Variants in GOLGA3 observed in about 807,000 individuals in gnomAD.
The protein encoded by GOLGA3 is golgin subfamily A member 3.
Under a neutral mutation model 169.4 loss-of-function variants are expected in GOLGA3, and 75 were observed. That is an observed-to-expected ratio of 0.44 (90% CI 0.37 to 0.54). GOLGA3 has a LOEUF of 0.54. Ranked by LOEUF, GOLGA3 falls within the 20% of genes least tolerant of loss-of-function variation. The probability of loss-of-function intolerance (pLI) is 0.00; values close to 1 mark genes in which losing one functional copy is unlikely to be tolerated. For synonymous variants in GOLGA3, 824 were observed against 822.4 expected, an observed-to-expected ratio of 1.00 and a Z score of -0.03; for missense variants, 1,899 against 1,930.0, an observed-to-expected ratio of 0.98 and a Z score of 0.30.
intron 1 of GOLGA3, 146 bp from the exon 2 acceptor site, chr12:132,822,457 C>A: frequency 1.9e-6 from 1 of 535,060 alleles, no homozygotes. Flanking sequence ...GGAGCACCCA[C>A]AACATCCTAG....
In GOLGA3 at chr12:132,807,914, A is replaced by C. The variant is rs747449772; in HGVS notation, c.1155T>G (p.Ser385Arg). The C allele has an allele frequency of 1.3e-6, 2 of 1,528,204 alleles. No individual in the cohort carries two copies. The highest frequency in any genetic ancestry group is 1.8e-6 in the Non-Finnish European group (2 of 1,130,886). 94.7% of individuals were successfully genotyped at this position (1,528,204 alleles called of 1,614,324 possible). Residue 385 changes from serine (S) to arginine (R), a missense_variant, in exon 5 of 24, where the codon AGT (serine) becomes AGG (arginine). Transcript: ENST00000450791. ...ACCTGCTGCAGATGCTGTCTCTCCG[A>C]CTCCGCACCTCCCCGTTGACCTCCT... The part of the protein sequence containing the change: ...QGQEVNGEVR[S>R]RRDSICSSVS...
intron 8 of GOLGA3, among the ~76,000 whole-genome samples, chr12:132,801,345 G>A (rs550942087): frequency 2.6e-5 from 4 of 152,302 alleles, no homozygotes; most frequent in East Asian, 1.9e-4. Context: ...GGCACCGCAC[G>A]CCTGTGAGAC....
chr12:132,796,708 C>G lies in GOLGA3; in HGVS notation c.1939-8G>C. ...CTGATCCAACATGTCAGCCTGAGCCCAGGAAACTTGTTTTTAAAAAGGCAG... is the reference window on the plus strand; with the variant it reads ...CTGATCCAACATGTCAGCCTGAGCCGAGGAAACTTGTTTTTAAAAAGGCAG... On this transcript the variant is annotated splice_region_variant and splice_polypyrimidine_tract_variant and intron_variant, in intron 9 of 23. Coordinates refer to ENST00000450791, the MANE Select transcript of GOLGA3 (RefSeq NM_001389683.1). 1 of 1,612,740 alleles carries G rather than the reference C, an allele frequency of 6.2e-7. No homozygotes were observed.
rs144851208 is a variant in GOLGA3 at position 132,815,245 on chromosome 12, A to G, written c.406+1295T>C. Among the ~76,000 whole-genome samples the G allele has an allele frequency of 4.8e-3, 737 of 152,338 alleles. 3 individuals carry two copies. Among genetic ancestry groups the G allele is most frequent in the African/African-American group, 0.017 (694 of 41,584 alleles). On this transcript the variant is annotated intron_variant, in intron 3 of 23. Transcript: ENST00000450791. ...CTATGGCCACCAGGCAGATATTTAT[A>G]TAAGTCGGCAAAATAAGCAGGGTTT...
intron 22 of GOLGA3, chr12:132,774,589 C>CACAG (rs1313365346): frequency 3.7e-6 from 2 of 544,242 alleles, no homozygotes; most frequent in Middle Eastern, 4.8e-4. Context: ...GGGGCCGAGC[C>CACAG]ACAGACTACA....
In GOLGA3 at chr12:132,813,323, T is replaced by A. The variant is rs758798185; in HGVS notation, c.503A>T (p.Lys168Met). 2 of 1,611,540 alleles carry A rather than the reference T, an allele frequency of 1.2e-6. No individual in the cohort carries two copies. The highest frequency in any genetic ancestry group is 1.7e-6 in the Non-Finnish European group (2 of 1,177,968). The change falls in exon 4 of 24, where the codon AAG becomes ATG. Residue 168 changes from lysine (K) to methionine (M), a missense_variant. Coordinates refer to ENST00000450791, the MANE Select transcript of GOLGA3 (RefSeq NM_001389683.1). Reference sequence around the variant, plus strand: ...GAGACTCACCCTCTCCTGCTGGCGCTTCACCCTGTACTGTTTGAGCTGCTC... The same window carrying A: ...GAGACTCACCCTCTCCTGCTGGCGCATCACCCTGTACTGTTTGAGCTGCTC... ...LEEQLKQYRV[K>M]RQQERSSQPA...
chr12:132,820,456 C>T (rs922364015), intron 2 of GOLGA3, among the ~76,000 whole-genome samples: 1 of 152,196 alleles, frequency 6.6e-6, no homozygotes, highest in Non-Finnish European at 1.5e-5. Flanking sequence ...GTTCCACGGC[C>T]GCGGGTCTCA....
intron 1 of GOLGA3, chr12:132,828,405 A>C (rs570818160): frequency 5.9e-5 from 9 of 152,396 alleles, no homozygotes; most frequent in Admixed American, 1.3e-4. Context: ...CAAACAAGGA[A>C]GTACACGGAC....
chr12:132,814,133 T>C (rs534940038), intron 3 of GOLGA3, among the ~76,000 whole-genome samples: 5 of 150,510 alleles, frequency 3.3e-5, no homozygotes, highest in Non-Finnish European at 5.9e-5. Context: ...CAAGCGATTC[T>C]CCTGCCACAG....
At chr12:132,780,762 T>C (rs1253583086) in intron 18 of GOLGA3, 36 bp downstream of exon 18, 18 of 1,344,326 alleles carry the variant, frequency 1.3e-5, no homozygotes, top group Non-Finnish European at 1.7e-5. Context: ...TGGAGCGTCC[T>C]CTGGAACGCC....
intron 7 of GOLGA3, 83 bp from the exon 8 acceptor site, chr12:132,802,052 G>T (rs933177792): frequency 1.9e-6 from 2 of 1,028,220 alleles, no homozygotes; most frequent in Non-Finnish European, 1.4e-6. Flanking sequence ...GACACAAGGC[G>T]GGACTCTCAG....
intron 1 of GOLGA3, chr12:132,826,077 T>C: frequency 7.0e-7 from 1 of 1,434,728 alleles, no homozygotes; most frequent in Non-Finnish European, 9.8e-7. Flanking sequence ...GGTGACATCG[T>C]CACAGTGGGC....
Position 132,816,356 on chromosome 12 carries a change from T to C in GOLGA3, c.406+184A>G, listed in dbSNP as rs534591436. ...ACCACAGCAGAACCTTGACTCCACC[T>C]GCATCTTCACTCTCTAACTTGAAGC... On this transcript the variant is annotated intron_variant, in intron 3 of 23. Coordinates refer to ENST00000450791, the MANE Select transcript of GOLGA3 (RefSeq NM_001389683.1). Among the ~76,000 whole-genome samples the C allele has an allele frequency of 3.3e-5, 5 of 152,318 alleles. No homozygotes were observed. The East Asian group carries it at 9.7e-4, about 29-fold the overall frequency.
intron 7 of GOLGA3, 95 bp from the exon 8 acceptor site, chr12:132,802,064 G>GGA: frequency 1.1e-6 from 1 of 936,782 alleles, no homozygotes; most frequent in Non-Finnish European, 1.6e-6. Flanking sequence ...GACTCTCAGG[G>GGA]GAGACCAAGA....
At chr12:132,803,407 A>G (rs907318395) in intron 7 of GOLGA3, among the ~76,000 whole-genome samples, 1 of 152,208 alleles carries the variant, frequency 6.6e-6, no homozygotes, top group Admixed American at 6.5e-5. Flanking sequence ...TCTACCAGCC[A>G]TCAACAAACA....
At chr12:132,823,799 A>G (rs1236257925) in intron 1 of GOLGA3, among the ~76,000 whole-genome samples, 2 of 148,176 alleles carry the variant, frequency 1.3e-5, no homozygotes, top group African/African-American at 5.0e-5. Flanking sequence ...AAAAAAAAAA[A>G]GGGCTGCGTG....
intron 1 of GOLGA3, among the ~76,000 whole-genome samples, chr12:132,823,207 A>T (rs1950286496): frequency 6.6e-6 from 1 of 152,240 alleles, no homozygotes; most frequent in Admixed American, 6.5e-5. Flanking sequence ...TAGCTCTCTC[A>T]GCCTGCCCTG....
chr12:132,788,021 C>T lies in GOLGA3; in HGVS notation c.2811+1006G>A, dbSNP rs549838771. 3.4e-3 allele frequency among the ~76,000 whole-genome samples: 510 copies of T among 152,222 alleles called. 4 individuals carry two copies. Among genetic ancestry groups the T allele is most frequent in the African/African-American group, 0.012 (486 of 41,556 alleles). ...CTTTCCCCAGCTCCTGTGTGCGAGG[C>T]GAGTCCCCACAACCAGCCCAGGCCT... On this transcript the variant is annotated intron_variant, in intron 13 of 23. Coordinates refer to ENST00000450791, the MANE Select transcript of GOLGA3 (RefSeq NM_001389683.1).
intron 18 of GOLGA3, among the ~76,000 whole-genome samples, chr12:132,780,535 G>T (rs1447745125): frequency 1.3e-5 from 2 of 152,238 alleles, no homozygotes; most frequent in African/African-American, 4.8e-5. Context: ...ACGACATACA[G>T]GACACCACTC....
Sources: allele counts gnomAD v4.1 joint callset (sites outside exome capture counted in the v4.1 genomes callset), GRCh38; gene constraint gnomAD v4.1.1; transcripts MANE v1.5; gene names NCBI Gene and HGNC (gene_info 2026-07-23, HGNC 2026-07-21).